The following EPS8L2 variants were observed in gnomAD, a reference collection of about 807,000 sequenced individuals.
The protein encoded by EPS8L2 is EPS8 signaling adaptor L2, also known as epidermal growth factor receptor kinase substrate 8-like protein 2.
In EPS8L2, 81 loss-of-function variants were observed where a neutral mutation model predicts 99.4. The observed-to-expected ratio is 0.82, with a 90% CI of 0.68 to 0.98. The LOEUF is 0.98. EPS8L2 is among the 50% of genes least tolerant of loss of function. The pLI, the probability that EPS8L2 is intolerant of heterozygous loss-of-function variation, is 0.00. For synonymous variants in EPS8L2, 509 were observed against 407.3 expected, an observed-to-expected ratio of 1.25 and a Z score of -3.01; for missense variants, 1,155 against 968.8, an observed-to-expected ratio of 1.19 and a Z score of -2.55.
chr11:720,644 G>A lies in EPS8L2; in HGVS notation c.375G>A (p.Thr125=). The change falls in exon 6 of 21, where the codon ACG becomes ACA. Residue 125 remains threonine (T), a synonymous_variant. Transcript: ENST00000318562. ...TGCCCACGGTGCAGCGCAGCCAGAC[G>A]GTCCTCAACCAGCTGCGCTACCCGT... ...FPLPTVQRSQ[T]VLNQLRYPSV... 1 of 1,599,644 alleles carries A rather than the reference G, an allele frequency of 6.3e-7. No homozygotes were observed. Among genetic ancestry groups the A allele is most frequent in the Non-Finnish European group, 8.5e-7 (1 of 1,174,766 alleles).
At chr11:710,394 G>T (rs754310926) in intron 3 of EPS8L2, 28 bp from the exon 4 acceptor site, 1 of 1,611,806 alleles carries the variant, frequency 6.2e-7, no homozygotes, top group South Asian at 1.1e-5. Context: ...CTGCCCGTCG[G>T]GGGAGTGACT....
chr11:709,479 C>T, intron 2 of EPS8L2, 28 bp downstream of exon 2: 1 of 1,466,152 alleles, frequency 6.8e-7, no homozygotes, highest in Non-Finnish European at 9.4e-7. Context: ...TCCCGAATAC[C>T]CCACCCTCAC....
intron 4 of EPS8L2, among the ~76,000 whole-genome samples, chr11:716,310 G>A (rs907317047): frequency 7.2e-5 from 11 of 151,742 alleles, no homozygotes; most frequent in South Asian, 2.1e-4. Context: ...CACCCCGCCC[G>A]GCTAATTTTT....
At chr11:720,978 G>GCCCGGAAGGGGAGGGGAGGAGC in intron 7 of EPS8L2, 69 bp downstream of exon 7, 1 of 1,097,668 alleles carries the variant, frequency 9.1e-7, no homozygotes, top group South Asian at 1.4e-5. Flanking sequence ...GAGGGGAGGA[G>GCCCGGAAGGGGAGGGGAGGAGC]CCGGCAGGGG....
chr11:726,919 G>A lies in EPS8L2; in HGVS notation c.2086G>A (p.Glu696Lys). Residue 696 changes from glutamate to lysine, a missense_variant, in exon 21 of 21, where the codon GAG (glutamate) becomes AAG (lysine). Coordinates refer to ENST00000318562, the MANE Select transcript of EPS8L2 (RefSeq NM_022772.4). ...TCCCTAGAAGCAGCAAAGTGGGTCGGAGCTGGAAGAACTCATGAACAAGTT... is the reference window on the plus strand; with the variant it reads ...TCCCTAGAAGCAGCAAAGTGGGTCGAAGCTGGAAGAACTCATGAACAAGTT... The part of the protein sequence containing the change: ...AFLEKQQSGS[E>K]LEELMNKFHS... 5.0e-6 allele frequency: 8 copies of A among 1,613,328 alleles called. No homozygotes were observed. The highest frequency in any genetic ancestry group is 1.1e-5 in the South Asian group (1 of 90,938).
At chr11:706,890 A>T (rs1861736684) in intron 1 of EPS8L2, 1 of 152,676 alleles carries the variant, frequency 6.5e-6, no homozygotes, top group Non-Finnish European at 1.5e-5. Flanking sequence ...CAGGAGAGGC[A>T]GGAGGGTGGG....
intron 14 of EPS8L2, 63 bp downstream of exon 14, chr11:722,868 C>G: frequency 4.4e-6 from 5 of 1,145,118 alleles, no homozygotes; most frequent in Non-Finnish European, 6.0e-6. Context: ...ACCAGAGCTC[C>G]CCCCCAGCCC....
At position 722,007 on chromosome 11, in the gene EPS8L2, C is replaced by T; in HGVS notation, c.984+16C>T. ...TAACTTGCTGGTGGGTCCGGTGGCC[C>T]CAGCCCTGCCCCACTGTCTGTGCTG... On this transcript the variant is annotated intron_variant, in intron 11 of 20. Coordinates refer to ENST00000318562, the MANE Select transcript of EPS8L2 (RefSeq NM_022772.4). The T allele has an allele frequency of 1.2e-6, 2 of 1,606,450 alleles. No homozygotes were observed. The highest frequency in any genetic ancestry group is 1.7e-5 in the Admixed American group (1 of 59,132).
At position 717,200 on chromosome 11, in the gene EPS8L2, C is replaced by A. The variant is rs1407636719; in HGVS notation, c.166-2862C>A. 2.0e-5 allele frequency among the ~76,000 whole-genome samples: 3 copies of A among 152,298 alleles called. No individual in the cohort carries two copies. The East Asian group carries it at 5.8e-4, about 29-fold the overall frequency. On this transcript the variant is annotated intron_variant, in intron 4 of 20. Coordinates refer to ENST00000318562, the MANE Select transcript of EPS8L2 (RefSeq NM_022772.4). ...CCGTGTTGGTCAGGCTGGTCTCGAA[C>A]TCCTGACCTTGTGATCCACCTGCCT...
Position 726,490 on chromosome 11 carries a change from C to CG in EPS8L2, c.1934+11dup. The CG allele has an allele frequency of 2.0e-6, 3 of 1,485,856 alleles. No homozygotes were observed. Among genetic ancestry groups the CG allele is most frequent in the Non-Finnish European group, 2.7e-6 (3 of 1,109,738 alleles). 92.0% of individuals were successfully genotyped at this position (1,485,856 alleles called of 1,614,324 possible). On this transcript the variant is annotated splice_region_variant and intron_variant, in intron 19 of 20. Transcript: ENST00000318562. ...GCCAAGGCCTTCAGCCCGCGGTGAG[C>CG]GGGGGCGGGGGATGAGCTGGGGCCC...
At chr11:721,865 C>T (rs898275827) in intron 10 of EPS8L2, 38 bp from the exon 11 acceptor site, 1 of 1,560,246 alleles carries the variant, frequency 6.4e-7, no homozygotes, top group Non-Finnish European at 8.7e-7. Context: ...CCGGGGAGAT[C>T]AGGGCCAGCC....
At position 726,309 on chromosome 11, in the gene EPS8L2, A is replaced by G. The variant is rs773469114; in HGVS notation, c.1759A>G (p.Met587Val). The G allele has an allele frequency of 5.6e-6, 9 of 1,607,856 alleles. No homozygotes were observed. Among genetic ancestry groups the G allele is most frequent in the South Asian group, 2.2e-5 (2 of 90,446 alleles). Residue 587 changes from methionine to valine, a missense_variant, in exon 19 of 21, where the codon ATG (methionine) becomes GTG (valine). Met to Val is a conservative substitution (Grantham distance 21, BLOSUM62 1). Transcript: ENST00000318562. Reference protein sequence around the residue: ...PSFPGNKDELMQHMDEVNDEL... With the variant: ...PSFPGNKDELVQHMDEVNDEL... Reference sequence around the variant, plus strand: ...TGAGTCGCGCGCCCCCTCAGAGCTCATGCAGCACATGGACGAGGTCAACGA... The same window carrying G: ...TGAGTCGCGCGCCCCCTCAGAGCTCGTGCAGCACATGGACGAGGTCAACGA...
At chr11:726,520 G>C (rs774955501) in intron 19 of EPS8L2, 36 bp downstream of exon 19, 1 of 1,513,968 alleles carries the variant, frequency 6.6e-7, no homozygotes, top group East Asian at 2.5e-5. Flanking sequence ...GGGCCCGGGC[G>C]AGGGGTGGGA....
At chr11:715,135 G>A (rs1262534073) in intron 4 of EPS8L2, among the ~76,000 whole-genome samples, 3 of 152,136 alleles carry the variant, frequency 2.0e-5, no homozygotes, top group Non-Finnish European at 2.9e-5. Flanking sequence ...CCAGCTACTC[G>A]GGAGGCTGAG....
intron 4 of EPS8L2, among the ~76,000 whole-genome samples, chr11:715,968 CTTTT>C (rs150677634): frequency 2.2e-5 from 2 of 91,538 alleles, no homozygotes. Context: ...GATTATTTAT[CTTTT>C]TTTTTTTTTT....
In EPS8L2 at chr11:720,188, G is replaced by T. The variant is rs775689751; in HGVS notation, c.292G>T (p.Asp98Tyr). The change falls in exon 5 of 21, where the codon GAC (aspartate) becomes TAC (tyrosine). Residue 98 changes from aspartate (D) to tyrosine (Y), a missense_variant. Asp to Tyr is a radical substitution (Grantham distance 160, BLOSUM62 -3). Transcript: ENST00000318562. ...CCAGGAGATGCTGCTGCAGGTGAAC[G>T]ACCAGTCGCTGCGGCTGCTGGACAT... ...WTQEMLLQVNDQSLRLLDIES... is the reference protein window; with the variant it reads ...WTQEMLLQVNYQSLRLLDIES... 2 of 1,613,248 alleles carry T rather than the reference G, an allele frequency of 1.2e-6. No homozygotes were observed. The highest frequency in any genetic ancestry group is 2.2e-5 in the South Asian group (2 of 91,058).
At position 726,080 on chromosome 11, in the gene EPS8L2, C is replaced by G. The variant is rs755291468; in HGVS notation, c.1681-18C>G. The G allele has an allele frequency of 1.7e-5, 25 of 1,514,162 alleles. No individual in the cohort carries two copies. Among genetic ancestry groups the G allele is most frequent in the Admixed American group, 9.4e-5 (5 of 53,438 alleles). The allele number at this position is 1,514,162 out of a possible 1,614,324, so 93.8% of individuals were successfully genotyped here. A position where few individuals can be genotyped will look rare whatever the true frequency, so the allele number is the denominator to read the frequency against. ...GGGGGCGGGGCGTGGGGAGCCTAATCGCCCCCCGCCCCCGCAGGCCGGTCA... is the reference window on the plus strand; with the variant it reads ...GGGGGCGGGGCGTGGGGAGCCTAATGGCCCCCCGCCCCCGCAGGCCGGTCA... On this transcript the variant is annotated intron_variant, in intron 17 of 20. Transcript: ENST00000318562.
chr11:721,523 G>C, intron 9 of EPS8L2, 42 bp from the exon 10 acceptor site: 1 of 1,524,114 alleles, frequency 6.6e-7, no homozygotes, highest in Non-Finnish European at 8.8e-7. Flanking sequence ...GCGGGGCGGT[G>C]GGGAGTGTCA....
At chr11:720,943 C>CGGGGAGGGGAGGAGCTCGGCA in intron 7 of EPS8L2, 34 bp downstream of exon 7, 1 of 502,470 alleles carries the variant, frequency 2.0e-6, no homozygotes, top group Admixed American at 4.8e-5. Flanking sequence ...TCGCAGGGGG[C>CGGGGAGGGGAGGAGCTCGGCA]GGGGAGGGGA....
Sources: gnomAD v4.1 joint callset for allele counts (sites outside exome capture counted in the v4.1 genomes callset) on GRCh38, gnomAD v4.1.1 for gene constraint, MANE v1.5 for transcripts, NCBI Gene and HGNC (gene_info 2026-07-23, HGNC 2026-07-21) for gene names.